The following NELL1 variants were observed in gnomAD, a reference collection of about 807,000 sequenced individuals.
NELL1 encodes neural EGFL like 1.
NELL1 carries 76 observed loss-of-function variants against 107.4 expected under a neutral mutation model. The ratio of observed to expected loss-of-function variants is 0.71; its 90% CI spans 0.59 to 0.86. NELL1 has a LOEUF of 0.86. Ranked by LOEUF, NELL1 falls within the 40% of genes least tolerant of loss-of-function variation. The pLI is 0.00. For missense variants in NELL1, 1,024 were observed against 1,005.5 expected, an observed-to-expected ratio of 1.02 and a Z score of -0.25; for synonymous variants, 353 against 341.2, an observed-to-expected ratio of 1.03 and a Z score of -0.38.
At chr11:21,286,530 C>T (rs1386075124) in intron 14 of NELL1, among the ~76,000 whole-genome samples, 2 of 152,198 alleles carry the variant, frequency 1.3e-5, no homozygotes, top group African/African-American at 2.4e-5. Context: ...ACTATCCACT[C>T]GTACCACTCT....
chr11:20,915,850 C>A (rs1388228171), intron 5 of NELL1, among the ~76,000 whole-genome samples: 2 of 149,922 alleles, frequency 1.3e-5, no homozygotes, highest in African/African-American at 4.9e-5. Context: ...CAGCAAATGT[C>A]CTGGCAGTAA....
chr11:20,958,587 C>A (rs1329952540), intron 11 of NELL1, among the ~76,000 whole-genome samples: 6 of 152,068 alleles, frequency 3.9e-5, no homozygotes, highest in Admixed American at 3.3e-4. Context: ...GATAAAATAA[C>A]CGTATACCCA....
intron 4 of NELL1, among the ~76,000 whole-genome samples, chr11:20,868,764 A>G (rs1849142446): frequency 6.6e-6 from 1 of 152,148 alleles, no homozygotes; most frequent in Admixed American, 6.5e-5. Flanking sequence ...TGTAAAATAA[A>G]CTCTGAGATA....
At chr11:21,039,755 A>G (rs11025885) in intron 12 of NELL1, among the ~76,000 whole-genome samples, 65,074 of 151,992 alleles carry the variant, frequency 0.43, 16,317 homozygotes, top group Non-Finnish European at 0.56. Flanking sequence ...AGAGAGAAAA[A>G]TTCTTATCTA....
chr11:21,236,959 G>A (rs1858223513), intron 14 of NELL1, among the ~76,000 whole-genome samples: 1 of 152,162 alleles, frequency 6.6e-6, no homozygotes, highest in Non-Finnish European at 1.5e-5. Context: ...CTTAGGGACT[G>A]CAGATTGGCC....
At chr11:21,303,552 T>C (rs1245634865) in intron 14 of NELL1, among the ~76,000 whole-genome samples, 1 of 152,064 alleles carries the variant, frequency 6.6e-6, no homozygotes, top group Non-Finnish European at 1.5e-5. Context: ...TCTTATGCAC[T>C]GTTAGTGGGA....
chr11:20,678,069 A>G lies in NELL1; in HGVS notation c.184+9A>G, dbSNP rs1565303055. The stretch of plus-strand genomic sequence containing the variant: ...AGCATTTTTATTTCAAGGTAAAGGC[A>G]CCTCCTTTCTTGCATGGTGGCAGAG... On this transcript the variant is annotated intron_variant, in intron 2 of 19. Transcript: ENST00000357134. 8 of 1,613,808 alleles carry G rather than the reference A, an allele frequency of 5.0e-6. No homozygotes were observed. The highest frequency in any genetic ancestry group is 1.7e-5 in the Admixed American group (1 of 60,016).
intron 15 of NELL1, among the ~76,000 whole-genome samples, chr11:21,487,482 T>C (rs1334106606): frequency 1.8e-5 from 2 of 108,158 alleles, no homozygotes; most frequent in Non-Finnish European, 4.0e-5. Flanking sequence ...CAAAAAAACA[T>C]TTACCAACAT....
intron 2 of NELL1, among the ~76,000 whole-genome samples, chr11:20,739,182 G>C (rs1030942992): frequency 3.3e-5 from 5 of 152,230 alleles, no homozygotes; most frequent in Non-Finnish European, 7.3e-5. Flanking sequence ...CTGACAAAGA[G>C]CAGGGAACAC....
intron 3 of NELL1, among the ~76,000 whole-genome samples, chr11:20,802,713 T>C (rs1857304250): frequency 6.6e-6 from 1 of 152,204 alleles, no homozygotes; most frequent in Admixed American, 6.5e-5. Context: ...CTTTCATACA[T>C]GGCTTTTATT....
At chr11:21,524,790 G>A (rs1201717219) in intron 15 of NELL1, among the ~76,000 whole-genome samples, 1 of 152,084 alleles carries the variant, frequency 6.6e-6, no homozygotes, top group African/African-American at 2.4e-5. Flanking sequence ...TTTCAGTCTT[G>A]GAGTGAATAA....
rs533154493 is a variant in NELL1 at position 21,335,046 on chromosome 11, G to C, written c.1550-35807G>C. On this transcript the variant is annotated intron_variant, in intron 14 of 19. Transcript: ENST00000357134. ...CTCTGAACACATTAAGCCATTTGAA[G>C]AGGCTCCAAAAGTGGAATCAAATTC... 3.3e-5 allele frequency among the ~76,000 whole-genome samples: 5 copies of C among 151,966 alleles called. No individual in the cohort carries two copies. In the South Asian group the frequency reaches 1.0e-3, roughly 32 times the overall value.
intron 4 of NELL1, among the ~76,000 whole-genome samples, chr11:20,852,715 C>T (rs1848814998): frequency 6.6e-6 from 1 of 152,146 alleles, no homozygotes; most frequent in African/African-American, 2.4e-5. Context: ...CTGATATGTT[C>T]TTTGCTTCAT....
chr11:20,712,681 G>T (rs539119705), intron 2 of NELL1, among the ~76,000 whole-genome samples: 3 of 152,204 alleles, frequency 2.0e-5, no homozygotes, highest in Non-Finnish European at 4.4e-5. Flanking sequence ...CCTTGATGTG[G>T]TGCTCTCCCA....
At chr11:20,777,171 G>A (rs1354509170) in intron 2 of NELL1, among the ~76,000 whole-genome samples, 1 of 152,188 alleles carries the variant, frequency 6.6e-6, no homozygotes, top group African/African-American at 2.4e-5. Context: ...TCAGCACCAA[G>A]CCTTCCTAGC....
At chr11:21,572,983 G>A (rs1003473377) in intron 18 of NELL1, among the ~76,000 whole-genome samples, 1 of 151,838 alleles carries the variant, frequency 6.6e-6, no homozygotes, top group Non-Finnish European at 1.5e-5. Flanking sequence ...ATGTCCTGCA[G>A]TATAGATGAT....
intron 5 of NELL1, among the ~76,000 whole-genome samples, chr11:20,886,597 T>A (rs1006861785): frequency 2.0e-5 from 3 of 152,112 alleles, no homozygotes; most frequent in Admixed American, 1.3e-4. Context: ...TTTTTATTTT[T>A]AAAAAATTAA....
intron 15 of NELL1, among the ~76,000 whole-genome samples, chr11:21,384,846 T>C (rs982482326): frequency 6.6e-6 from 1 of 152,044 alleles, no homozygotes; most frequent in Non-Finnish European, 1.5e-5. Context: ...CAGTCTATCA[T>C]TGTTGGACAT....
intron 15 of NELL1, among the ~76,000 whole-genome samples, chr11:21,391,257 A>C (rs1057337711): frequency 1.1e-4 from 16 of 151,594 alleles, no homozygotes; most frequent in African/African-American, 3.6e-4. Flanking sequence ...ATTTATATAA[A>C]CTCTACCTTT....
Sources: gnomAD v4.1 joint callset for allele counts (sites outside exome capture counted in the v4.1 genomes callset) on GRCh38, gnomAD v4.1.1 for gene constraint, MANE v1.5 for transcripts, NCBI Gene and HGNC (gene_info 2026-07-23, HGNC 2026-07-21) for gene names.